Variants in NCOR1 observed in about 807,000 individuals in gnomAD.
NCOR1 encodes protein phosphatase 1, regulatory subunit 109.
In NCOR1, 63 loss-of-function variants were observed where a neutral mutation model predicts 288.1. The observed-to-expected ratio is 0.22, with a 90% CI of 0.18 to 0.27. NCOR1 has a LOEUF of 0.27. NCOR1 is among the 10% of genes least tolerant of loss of function. NCOR1 has a pLI of 1.00. For synonymous variants in NCOR1, 1,007 were observed against 1,065.9 expected (o/e 0.94, Z 1.08); for missense variants, 2,397 against 3,019.2 (o/e 0.79, Z 4.83).
At chr17:16,079,386 C>T (rs975194909) in intron 26 of NCOR1, among the ~76,000 whole-genome samples, 1 of 152,158 alleles carries the variant, frequency 6.6e-6, no homozygotes, top group Admixed American at 6.5e-5. Context: ...CAGAATTTTC[C>T]CTCTTATGCA....
rs899655601 is a variant in NCOR1 at position 16,145,484 on chromosome 17, T to A, written c.1082+892A>T. Reference sequence around the variant, plus strand: ...CTCGGCCCCACCGCCCCGTCTGGGATGTGAGGAGCGCCTCTGCCCGGCCAC... The same window carrying A: ...CTCGGCCCCACCGCCCCGTCTGGGAAGTGAGGAGCGCCTCTGCCCGGCCAC... On this transcript the variant is annotated intron_variant, in intron 10 of 45. Coordinates refer to ENST00000268712, the MANE Select transcript of NCOR1 (RefSeq NM_006311.4). Among the ~76,000 whole-genome samples, 52 of 129,204 alleles carry A rather than the reference T, an allele frequency of 4.0e-4. 4 individuals carry two copies. The highest frequency in any genetic ancestry group is 1.0e-3 in the South Asian group (4 of 3,902). 84.8% of individuals were successfully genotyped at this position (129,204 alleles called of 152,430 possible).
In NCOR1 at chr17:16,150,441, C is replaced by T. The variant is rs568768211; in HGVS notation, c.843-924G>A. On this transcript the variant is annotated intron_variant, in intron 8 of 45. Coordinates refer to ENST00000268712, the MANE Select transcript of NCOR1 (RefSeq NM_006311.4). ...GCTGAGGAAATATTCCAAAAGGTGT[C>T]GTACAGGGAAGCATTACCATATACT... Among the ~76,000 whole-genome samples, 80 of 152,240 alleles carry T rather than the reference C, an allele frequency of 5.3e-4. 1 individual carries two copies. Among genetic ancestry groups the T allele is most frequent in the African/African-American group, 1.8e-3 (75 of 41,562 alleles).
At position 16,073,677 on chromosome 17, in the gene NCOR1, T is replaced by C. The variant is rs975977602; in HGVS notation, c.3671-108A>G. On this transcript the variant is annotated intron_variant, in intron 27 of 45. Coordinates refer to ENST00000268712, the MANE Select transcript of NCOR1 (RefSeq NM_006311.4). The stretch of plus-strand genomic sequence containing the variant: ...CTTATAAAAATAATAATATTAAAAC[T>C]TGTCTTAACCTACAATAAAATATGT... 14 of 943,388 alleles carry C rather than the reference T, an allele frequency of 1.5e-5. No homozygotes were observed. The Middle Eastern group carries it at 1.0e-3, about 70-fold the overall frequency. The allele number at this position is 943,388 out of a possible 1,614,324, so 58.4% of individuals were successfully genotyped here.
intron 21 of NCOR1, among the ~76,000 whole-genome samples, chr17:16,092,689 A>ATT (rs2065567640): frequency 9.1e-5 from 1 of 11,048 alleles, no homozygotes; most frequent in Non-Finnish European, 1.6e-4. Context: ...ATATATATAT[A>ATT]TATATATTTT....
chr17:16,151,064 A>G (rs570502395), intron 8 of NCOR1, among the ~76,000 whole-genome samples: 12 of 151,508 alleles, frequency 7.9e-5, no homozygotes, highest in East Asian at 5.8e-4. Context: ...ATATAAAATA[A>G]ATAGCAATGT....
chr17:16,178,498 CAAAAAA>C (rs564320622), intron 3 of NCOR1, among the ~76,000 whole-genome samples: 3 of 32,800 alleles, frequency 9.1e-5, no homozygotes, highest in South Asian at 1.1e-3. Flanking sequence ...GACTCCGTCT[CAAAAAA>C]AAAAAAAAAA....
Position 16,032,226 on chromosome 17 carries a change from G to C in NCOR1, c.*70C>G. 6.9e-7 allele frequency: 1 copy of C among 1,442,364 alleles called. No individual in the cohort carries two copies. The highest frequency in any genetic ancestry group is 9.2e-7 in the Non-Finnish European group (1 of 1,091,532). 89.3% of individuals were successfully genotyped at this position (1,442,364 alleles called of 1,614,324 possible). ...TCACAGGAGGGCAGGTTTTTGACCTGCTACTAAAAATTAAACCACAAAAAC... is the reference window on the plus strand; with the variant it reads ...TCACAGGAGGGCAGGTTTTTGACCTCCTACTAAAAATTAAACCACAAAAAC... On this transcript the variant is annotated 3_prime_UTR_variant, in exon 46 of 46. Coordinates refer to ENST00000268712, the MANE Select transcript of NCOR1 (RefSeq NM_006311.4).
At chr17:16,049,518 T>G (rs1463944076) in intron 40 of NCOR1, 1 of 152,228 alleles carries the variant, frequency 6.6e-6, no homozygotes, top group African/African-American at 2.4e-5. Flanking sequence ...TTTATATTTT[T>G]TCTCTGGATA....
At chr17:16,032,927 T>C (rs551476550) in intron 45 of NCOR1, among the ~76,000 whole-genome samples, 2 of 152,302 alleles carry the variant, frequency 1.3e-5, no homozygotes, top group Admixed American at 6.5e-5. Flanking sequence ...AGTCATCTGC[T>C]GAATCTCACT....
At position 16,152,014 on chromosome 17, in the gene NCOR1, A is replaced by T; in HGVS notation, c.790-16T>A. ...TATACAGTGGCTATAAAAGAAATCA[A>T]ATATTTATGTATAAAATGTTGTACA... On this transcript the variant is annotated splice_polypyrimidine_tract_variant and intron_variant, in intron 7 of 45. Transcript: ENST00000268712. The T allele has an allele frequency of 3.3e-6, 5 of 1,534,816 alleles. No individual in the cohort carries two copies. The highest frequency in any genetic ancestry group is 4.4e-6 in the Non-Finnish European group (5 of 1,124,784).
intron 5 of NCOR1, among the ~76,000 whole-genome samples, chr17:16,163,172 G>T (rs2081228863): frequency 6.6e-6 from 1 of 151,870 alleles, no homozygotes; most frequent in South Asian, 2.1e-4. Flanking sequence ...AAAACAAACT[G>T]GACTTCAACA....
chr17:16,170,803 T>C (rs1219397774), intron 4 of NCOR1, among the ~76,000 whole-genome samples: 3 of 147,442 alleles, frequency 2.0e-5, no homozygotes, highest in Non-Finnish European at 3.0e-5. Flanking sequence ...ATCGCGCCAC[T>C]GCACTCCAGC....
chr17:16,158,935 C>G, intron 5 of NCOR1, 62 bp from the exon 6 acceptor site: 1 of 1,146,412 alleles, frequency 8.7e-7, no homozygotes, highest in South Asian at 1.3e-5. Context: ...CAGTGATTAA[C>G]CACTGGAGAT....
intron 27 of NCOR1, among the ~76,000 whole-genome samples, chr17:16,075,140 T>A (rs1350433598): frequency 6.6e-6 from 1 of 152,174 alleles, no homozygotes; most frequent in Non-Finnish European, 1.5e-5. Flanking sequence ...AGTACTGGGA[T>A]TAGATAGTAG....
intron 7 of NCOR1, among the ~76,000 whole-genome samples, chr17:16,152,299 C>T (rs189574544): frequency 1.4e-3 from 206 of 152,008 alleles, no homozygotes; most frequent in African/African-American, 4.7e-3. Flanking sequence ...TGCTATCCCT[C>T]CCCCATGCCC....
In NCOR1 at chr17:16,061,388, T is replaced by A. The variant is rs565162391; in HGVS notation, c.5881+13A>T. The A allele has an allele frequency of 6.8e-6, 11 of 1,606,250 alleles. No homozygotes were observed. Among genetic ancestry groups the A allele is most frequent in the Non-Finnish European group, 8.5e-6 (10 of 1,175,002 alleles). ...CAGACATCACATTGTGAAACTCGGA[T>A]TGAGATACATACAGCTACTAGAAGA... On this transcript the variant is annotated intron_variant, in intron 37 of 45. Transcript: ENST00000268712.
chr17:16,031,044 A>C lies in NCOR1; in HGVS notation c.*1252T>G. 1 of 194,718 alleles carries C rather than the reference A, an allele frequency of 5.1e-6. No individual in the cohort carries two copies. The highest frequency in any genetic ancestry group is 1.1e-5 in the Non-Finnish European group (1 of 93,396). The allele number at this position is 194,718 out of a possible 1,614,324, so 12.1% of individuals were successfully genotyped here. On this transcript the variant is annotated 3_prime_UTR_variant, in exon 46 of 46. Transcript: ENST00000268712. ...GATAAATTGTATGAAAAAAACTTTA[A>C]AATTCAGCAAGCAATTCTTAATGAA...
intron 14 of NCOR1, among the ~76,000 whole-genome samples, chr17:16,130,600 A>G (rs116579965): frequency 1.5e-4 from 23 of 152,386 alleles, no homozygotes; most frequent in African/African-American, 5.5e-4. Flanking sequence ...GCTATTCACT[A>G]TGAATGAATA....
At chr17:16,194,669 G>A (rs778123486) in intron 1 of NCOR1, 30 bp from the exon 2 acceptor site, 1 of 654,910 alleles carries the variant, frequency 1.5e-6, no homozygotes, top group East Asian at 2.8e-5. Flanking sequence ...AACAGAATTA[G>A]TAAGAACTAA....
Sources: gnomAD v4.1 joint callset for allele counts (sites outside exome capture counted in the v4.1 genomes callset) on GRCh38, gnomAD v4.1.1 for gene constraint, MANE v1.5 for transcripts, NCBI Gene and HGNC (gene_info 2026-07-23, HGNC 2026-07-21) for gene names.